Variants in ITGAE observed in about 807,000 individuals in gnomAD.
ITGAE encodes integrin subunit alpha E.
ITGAE carries 99 observed loss-of-function variants against 136.5 expected under a neutral mutation model. That is an observed-to-expected ratio of 0.73 (90% confidence interval 0.62 to 0.86). ITGAE has a LOEUF of 0.86. Ranked by LOEUF, ITGAE falls within the 40% of genes least tolerant of loss-of-function variation. The pLI, the probability that ITGAE is intolerant of heterozygous loss-of-function variation, is 0.00. For missense variants in ITGAE, 1,447 were observed against 1,515.3 expected (o/e 0.95, Z 0.75); for synonymous variants, 613 against 591.8 (o/e 1.04, Z -0.52).
At chr17:3,742,826 A>G (rs2051618382) in intron 19 of ITGAE, among the ~76,000 whole-genome samples, 1 of 151,928 alleles carries the variant, frequency 6.6e-6, no homozygotes, top group South Asian at 2.1e-4. Flanking sequence ...CAATTTTTGT[A>G]TTTTTAGTAG....
intron 4 of ITGAE, 107 bp from the exon 5 acceptor site, chr17:3,761,627 G>C: frequency 9.3e-7 from 1 of 1,070,066 alleles, no homozygotes; most frequent in Admixed American, 2.3e-5. Flanking sequence ...AACCAGGCAG[G>C]GGGCACAGGA....
chr17:3,775,214 G>A (rs2052512685), intron 2 of ITGAE, among the ~76,000 whole-genome samples: 1 of 152,120 alleles, frequency 6.6e-6, no homozygotes, highest in Non-Finnish European at 1.5e-5. Flanking sequence ...ACCTCCCAAA[G>A]TGCTAGGATT....
At chr17:3,785,713 T>C (rs1002137055) in intron 1 of ITGAE, among the ~76,000 whole-genome samples, 3 of 151,188 alleles carry the variant, frequency 2.0e-5, no homozygotes, top group Non-Finnish European at 4.4e-5. Flanking sequence ...GCAAACCAAC[T>C]TACAGTAGAG....
intron 1 of ITGAE, among the ~76,000 whole-genome samples, chr17:3,791,400 A>G (rs759741976): frequency 7.9e-5 from 12 of 151,814 alleles, no homozygotes; most frequent in Admixed American, 2.0e-4. Flanking sequence ...CTCCTGCCTC[A>G]GCCTCCTGAG....
intron 1 of ITGAE, among the ~76,000 whole-genome samples, chr17:3,786,166 C>CAAAAAA (rs369144318): frequency 8.6e-5 from 5 of 58,432 alleles, no homozygotes; most frequent in Non-Finnish European, 1.2e-4. Flanking sequence ...GACTCCATCT[C>CAAAAAA]AAAAAAAAAA....
intron 1 of ITGAE, among the ~76,000 whole-genome samples, chr17:3,782,950 T>C (rs1428534288): frequency 6.6e-6 from 1 of 152,224 alleles, no homozygotes; most frequent in Non-Finnish European, 1.5e-5. Flanking sequence ...CAAATCTGCG[T>C]TGCATGTCAT....
chr17:3,790,405 G>T (rs1273226249), intron 1 of ITGAE, among the ~76,000 whole-genome samples: 4 of 152,016 alleles, frequency 2.6e-5, no homozygotes, highest in African/African-American at 9.7e-5. Flanking sequence ...TGCTTGGGAG[G>T]CTGAGGCAGG....
chr17:3,742,701 A>T (rs1158796314), intron 19 of ITGAE, among the ~76,000 whole-genome samples: 1 of 151,906 alleles, frequency 6.6e-6, no homozygotes, highest in African/African-American at 2.4e-5. Context: ...CTGGAGTGCA[A>T]TGGCACGGCC....
chr17:3,796,161 G>GTGTGTGTGTT (rs2053094210), intron 1 of ITGAE, among the ~76,000 whole-genome samples: 6 of 77,866 alleles, frequency 7.7e-5, no homozygotes, highest in African/African-American at 4.0e-4. Context: ...GTGTGTGTGT[G>GTGTGTGTGTT]TGTGCATCCG....
At chr17:3,724,171 G>GGCGGAGGCGTCCCGGCGGCC in intron 26 of ITGAE, 1 of 1,593,210 alleles carries the variant, frequency 6.3e-7, no homozygotes, top group Non-Finnish European at 8.5e-7. Context: ...GTGAGGCGGC[G>GGCGGAGGCGTCCCGGCGGCC]GCGGAGGCGT....
chr17:3,731,196 G>T lies in ITGAE; in HGVS notation c.2755-13C>A, dbSNP rs1349295152. 1.2e-6 allele frequency: 2 copies of T among 1,608,406 alleles called. No individual in the cohort carries two copies. The highest frequency in any genetic ancestry group is 1.7e-6 in the Non-Finnish European group (2 of 1,175,214). ...CTGAAACATGAGCCTATTTTAAAGG[G>T]GGAAAAATGGTCAGTTGATTCTCTC... On this transcript the variant is annotated splice_polypyrimidine_tract_variant and intron_variant, in intron 22 of 30. Coordinates refer to ENST00000263087, the MANE Select transcript of ITGAE (RefSeq NM_002208.5).
At chr17:3,794,478 C>G (rs2053015321) in intron 1 of ITGAE, among the ~76,000 whole-genome samples, 1 of 152,280 alleles carries the variant, frequency 6.6e-6, no homozygotes, top group South Asian at 2.1e-4. Context: ...CAAGGGGGCA[C>G]ACACTGCATC....
chr17:3,761,059 C>A lies in ITGAE; in HGVS notation c.552G>T (p.Glu184Asp). 1 of 1,609,296 alleles carries A rather than the reference C, an allele frequency of 6.2e-7. No individual in the cohort carries two copies. The change falls in exon 6 of 31, where the codon GAG becomes GAT. Residue 184 changes from glutamate to aspartate, a missense_variant. Physicochemically the swap from Glu to Asp is conservative, Grantham distance 45. Around this residue, in one of 3 missense-constraint regions of ITGAE, gnomAD observed 310 missense variants for 416.1 expected, o/e 0.74. Coordinates refer to ENST00000263087, the MANE Select transcript of ITGAE (RefSeq NM_002208.5). ...CTTCCTCCTCCTCCTTGTCTTCCTC[C>A]TCCTCCTTCTCCAGAGCCCGGCGCT... is the stretch of plus-strand genomic sequence containing the variant. ...ARQRRALEKE[E>D]EEDKEEEEDE... is the part of the protein sequence containing the mutation.
At chr17:3,743,892 A>G (rs928886498) in intron 18 of ITGAE, among the ~76,000 whole-genome samples, 29 of 151,282 alleles carry the variant, frequency 1.9e-4, no homozygotes, top group African/African-American at 7.0e-4. Context: ...TAGTAGAGAC[A>G]GGGTTTCGCC....
intron 1 of ITGAE, among the ~76,000 whole-genome samples, chr17:3,794,293 A>T (rs1277034868): frequency 2.6e-5 from 4 of 151,356 alleles, no homozygotes; most frequent in Admixed American, 2.0e-4. Flanking sequence ...TTTTTTTTAA[A>T]TTTTTTGTAG....
chr17:3,752,117 G>A (rs1315046855), intron 14 of ITGAE, among the ~76,000 whole-genome samples: 2 of 148,622 alleles, frequency 1.3e-5, no homozygotes, highest in Middle Eastern at 7.1e-3. Context: ...TGCCCACTCC[G>A]TTGCCACCCA....
intron 1 of ITGAE, chr17:3,784,247 A>G (rs1019447747): frequency 9.9e-5 from 32 of 323,420 alleles, no homozygotes; most frequent in East Asian, 6.4e-4. Flanking sequence ...GCAACAGAGC[A>G]AGACTCCATC....
intron 10 of ITGAE, among the ~76,000 whole-genome samples, chr17:3,756,725 T>A (rs1157678939): frequency 2.6e-5 from 4 of 152,104 alleles, no homozygotes; most frequent in Non-Finnish European, 5.9e-5. Flanking sequence ...TTTGTTTTAG[T>A]AGAGATGGGG....
Position 3,755,184 on chromosome 17 carries a change from C to G in ITGAE, c.1317G>C (p.Arg439=), listed in dbSNP as rs1427850106. 1 of 1,557,170 alleles carries G rather than the reference C, an allele frequency of 6.4e-7. No individual in the cohort carries two copies. The highest frequency in any genetic ancestry group is 2.3e-5 in the East Asian group (1 of 43,560). ...GALLYDTRSR[R]GRFLNQTAAA... Reference sequence around the variant, plus strand: ...CCGCTGTCTGGTTCAGGAAGCGGCCCCGGCGGCTGCGTGTGTCGTAGAGCA... The same window carrying G: ...CCGCTGTCTGGTTCAGGAAGCGGCCGCGGCGGCTGCGTGTGTCGTAGAGCA... Residue 439 remains arginine (R), a synonymous_variant, in exon 12 of 31, where the codon CGG becomes CGC. Transcript: ENST00000263087.
Sources: gnomAD v4.1 joint callset for allele counts (sites outside exome capture counted in the v4.1 genomes callset) on GRCh38, gnomAD v4.1.1 for gene constraint, gnomAD v4.1.1 regional missense constraint, MANE v1.5 for transcripts, NCBI Gene and HGNC (gene_info 2026-07-23, HGNC 2026-07-21) for gene names.